The following BMPR1A variants were observed in gnomAD, a reference collection of about 807,000 sequenced individuals.
BMPR1A encodes bone morphogenetic protein receptor type 1A.
BMPR1A carries 7 observed loss-of-function variants against 66.0 expected under a neutral mutation model. The observed-to-expected ratio is 0.11, with a 90% CI of 0.06 to 0.20. The LOEUF (loss-of-function observed/expected upper bound fraction) is 0.20, where lower values mean the gene tolerates loss of function less well. Among genes scored for constraint, BMPR1A ranks in the 10% least tolerant of loss-of-function variants. The pLI, the probability that BMPR1A is intolerant of heterozygous loss-of-function variation, is 1.00. For synonymous variants in BMPR1A, 200 were observed against 229.7 expected (o/e 0.87, Z 1.17); for missense variants, 408 against 669.1 (o/e 0.61, Z 4.31).
intron 2 of BMPR1A, among the ~76,000 whole-genome samples, chr10:86,844,310 C>T (rs1035314302): frequency 1.4e-4 from 21 of 152,092 alleles, no homozygotes; most frequent in African/African-American, 4.3e-4. Context: ...ATGTTAAATG[C>T]TATGTAAGAT....
intron 9 of BMPR1A, 47 bp from the exon 10 acceptor site, chr10:86,919,125 G>A: frequency 6.2e-7 from 1 of 1,605,556 alleles, no homozygotes; most frequent in Non-Finnish European, 8.5e-7. Flanking sequence ...CTTCTCCCTA[G>A]CCTATCTCTG....
intron 2 of BMPR1A, among the ~76,000 whole-genome samples, chr10:86,844,740 G>GT (rs2133143642): frequency 6.6e-6 from 1 of 152,222 alleles, no homozygotes; most frequent in South Asian, 2.1e-4. Flanking sequence ...TGTTTTGTTT[G>GT]TTTTTTAAGT....
chr10:86,851,180 G>A (rs953663248), intron 2 of BMPR1A, among the ~76,000 whole-genome samples: 1 of 152,180 alleles, frequency 6.6e-6, no homozygotes, highest in African/African-American at 2.4e-5. Context: ...AGCACTGTCA[G>A]TAGTAACTGG....
chr10:86,825,330 C>T (rs931182278), intron 1 of BMPR1A, among the ~76,000 whole-genome samples: 1 of 152,042 alleles, frequency 6.6e-6, no homozygotes, highest in Non-Finnish European at 1.5e-5. Flanking sequence ...AAAATAAAGT[C>T]TTTGTGAATT....
chr10:86,834,007 T>C (rs908856849), intron 1 of BMPR1A, among the ~76,000 whole-genome samples: 2 of 152,238 alleles, frequency 1.3e-5, no homozygotes, highest in South Asian at 4.1e-4. Flanking sequence ...GTCCAGTTCT[T>C]GTTTACACAT....
intron 2 of BMPR1A, among the ~76,000 whole-genome samples, chr10:86,847,272 C>G (rs1047940404): frequency 2.0e-5 from 3 of 152,032 alleles, no homozygotes; most frequent in African/African-American, 7.2e-5. Context: ...CTCATATTCT[C>G]TTACTACACT....
chr10:86,928,396 G>A (rs1292127892), downstream of BMPR1A: 4 of 151,354 alleles, frequency 2.6e-5, no homozygotes, highest in Non-Finnish European at 4.4e-5. Flanking sequence ...CTAATTTTTT[G>A]TATTTTTAAT....
chr10:86,847,017 G>T (rs1842494993), intron 2 of BMPR1A, among the ~76,000 whole-genome samples: 1 of 152,042 alleles, frequency 6.6e-6, no homozygotes, highest in Non-Finnish European at 1.5e-5. Flanking sequence ...TCTGCTCTCT[G>T]CTAATTTTTG....
chr10:86,760,214 C>CT (rs1841023154), intron 1 of BMPR1A, among the ~76,000 whole-genome samples: 2 of 83,960 alleles, frequency 2.4e-5, no homozygotes, highest in African/African-American at 4.5e-5. Context: ...TTTTTTAATA[C>CT]CTTATTGTTT....
chr10:86,822,005 G>C (rs909985809), intron 1 of BMPR1A, among the ~76,000 whole-genome samples: 1 of 151,962 alleles, frequency 6.6e-6, no homozygotes, highest in Non-Finnish European at 1.5e-5. Flanking sequence ...GTTTTACCAC[G>C]TTCCTAGGCT....
intron 1 of BMPR1A, among the ~76,000 whole-genome samples, chr10:86,772,077 T>C (rs1283895812): frequency 6.6e-6 from 1 of 151,858 alleles, no homozygotes; most frequent in Non-Finnish European, 1.5e-5. Context: ...CTTTTTTTTT[T>C]CTCATCTCTG....
intron 5 of BMPR1A, among the ~76,000 whole-genome samples, chr10:86,898,472 G>C (rs1188931555): frequency 1.3e-5 from 2 of 152,074 alleles, no homozygotes; most frequent in South Asian, 4.1e-4. Flanking sequence ...CAAACGCATC[G>C]TAAGATCTCT....
In BMPR1A at chr10:86,866,250, G is replaced by A. The variant is rs977396368; in HGVS notation, c.-152-9617G>A. ...TTTTTTTTTTTTTTGGCTGAAAAGC[G>A]ATAGTGTAAAAAGGGACACAGTACT... On this transcript the variant is annotated intron_variant, in intron 2 of 12. Coordinates refer to ENST00000372037, the MANE Select transcript of BMPR1A (RefSeq NM_004329.3). Among the ~76,000 whole-genome samples the A allele has an allele frequency of 2.8e-4, 42 of 148,776 alleles. 1 individual carries two copies. The highest frequency in any genetic ancestry group is 6.7e-5 in the Admixed American group (1 of 14,892).
At chr10:86,817,032 C>T (rs531074385) in intron 1 of BMPR1A, among the ~76,000 whole-genome samples, 25 of 152,330 alleles carry the variant, frequency 1.6e-4, no homozygotes, top group African/African-American at 6.0e-4. Flanking sequence ...CTTCTCCAGC[C>T]ATCCCCATTT....
At chr10:86,773,146 CT>C (rs1841291285) in intron 1 of BMPR1A, among the ~76,000 whole-genome samples, 2 of 143,908 alleles carry the variant, frequency 1.4e-5, no homozygotes, top group Non-Finnish European at 3.0e-5. Context: ...TTTTTTTTTC[CT>C]GAATGTTCTT....
chr10:86,806,652 G>A (rs1300903971), intron 1 of BMPR1A, among the ~76,000 whole-genome samples: 2 of 151,960 alleles, frequency 1.3e-5, no homozygotes, highest in East Asian at 3.9e-4. Flanking sequence ...CCCAGACTCA[G>A]TTGATCCTCC....
intron 4 of BMPR1A, among the ~76,000 whole-genome samples, chr10:86,890,656 A>G (rs1262613430): frequency 6.6e-6 from 1 of 151,886 alleles, no homozygotes; most frequent in Non-Finnish European, 1.5e-5. Context: ...CTGGTCTCAA[A>G]CTCCTGGGCT....
At chr10:86,888,186 G>A (rs1283015337) in intron 3 of BMPR1A, among the ~76,000 whole-genome samples, 2 of 150,230 alleles carry the variant, frequency 1.3e-5, no homozygotes, top group East Asian at 2.0e-4. Flanking sequence ...TCTCCTGGCC[G>A]GGCACGGTGG....
rs55992440 is a variant in BMPR1A, at chr10:86,912,327, A to G, written c.618A>G (p.Leu206=). 4.1e-4 allele frequency: 664 copies of G among 1,614,040 alleles called. 2 individuals are homozygous for G. In the African/African-American group the frequency reaches 7.8e-3, roughly 19 times the overall value. The change falls in exon 8 of 13, where the codon CTA becomes CTG. Residue 206 remains leucine, a synonymous_variant. Coordinates refer to ENST00000372037, the MANE Select transcript of BMPR1A (RefSeq NM_004329.3). Reference sequence around the variant, plus strand: ...CATTTATTCCAGTTGGAGAATCACTAAAAGACCTTATTGACCAGTCACAAA... The same window carrying G: ...CATTTATTCCAGTTGGAGAATCACTGAAAGACCTTATTGACCAGTCACAAA... ...DEAFIPVGES[L]KDLIDQSQSS...
Sources: gnomAD v4.1 joint callset for allele counts (sites outside exome capture counted in the v4.1 genomes callset) on GRCh38, gnomAD v4.1.1 for gene constraint, MANE v1.5 for transcripts, NCBI Gene and HGNC (gene_info 2026-07-23, HGNC 2026-07-21) for gene names.